Variants in CROT observed in about 807,000 individuals in gnomAD.
CROT encodes peroxisomal carnitine O-octanoyltransferase.
CROT carries 84 observed loss-of-function variants against 89.2 expected under a neutral mutation model. The observed-to-expected ratio is 0.94, with a 90% confidence interval of 0.79 to 1.13. The LOEUF is 1.13. CROT is among the 50% of genes most tolerant of loss of function. The pLI is 0.00. For missense variants in CROT, 711 were observed against 727.8 expected (o/e 0.98, Z 0.27); for synonymous variants, 212 against 239.5 (o/e 0.89, Z 1.06).
Position 87,391,697 on chromosome 7 carries a change from G to A in CROT, c.1410G>A (p.Gln470=), listed in dbSNP as rs1444898093. 6.2e-7 allele frequency: 1 copy of A among 1,608,474 alleles called. No homozygotes were observed. Among genetic ancestry groups the A allele is most frequent in the Non-Finnish European group, 8.5e-7 (1 of 1,178,094 alleles). Residue 470 remains glutamine (Q), a synonymous_variant, in exon 14 of 18, where the codon CAG becomes CAA. Transcript: ENST00000331536. ...VEAVRWCQSM[Q]DPSVNLRERQ... ...CAGTGAGGTGGTGCCAGTCCATGCA[G>A]GATCCTTCTGTCAATGTGAGTATTG...
intron 13 of CROT, among the ~76,000 whole-genome samples, chr7:87,384,974 T>C (rs1242915192): frequency 6.6e-6 from 1 of 152,194 alleles, no homozygotes; most frequent in East Asian, 1.9e-4. Flanking sequence ...GAGCCTGTCC[T>C]TTCCTTTGCT....
In CROT at chr7:87,392,772, A is replaced by G. The variant is rs556536418; in HGVS notation, c.1547A>G (p.Glu516Gly). 8 of 1,613,798 alleles carry G rather than the reference A, an allele frequency of 5.0e-6. No homozygotes were observed. The East Asian group carries it at 6.7e-5, about 13-fold the overall frequency. Residue 516 changes from glutamate (E) to glycine (G), a missense_variant, in exon 16 of 18, where the codon GAG becomes GGG. By Grantham distance (98) the Glu-to-Gly change is moderately conservative. Transcript: ENST00000331536. ...TTAGGTCTCTTACTCATAGCAAAAG[A>G]GGAAGGTCTTCCTGTTCCAGAACTC... The part of the protein sequence containing the change: ...HLLGLLLIAK[E>G]EGLPVPELFT...
At chr7:87,371,566 T>G (rs965542414) in intron 7 of CROT, among the ~76,000 whole-genome samples, 13 of 152,260 alleles carry the variant, frequency 8.5e-5, no homozygotes, top group African/African-American at 3.1e-4. Flanking sequence ...TCACATCATC[T>G]GATGTATACA....
intron 4 of CROT, chr7:87,359,774 T>G: frequency 1.0e-6 from 1 of 988,542 alleles, no homozygotes; most frequent in Non-Finnish European, 1.2e-6. Context: ...AGAATGGTTA[T>G]GTATATTGTA....
Position 87,398,793 on chromosome 7 carries a change from A to C in CROT, c.*149A>C, listed in dbSNP as rs1417486520. 2.8e-6 allele frequency: 2 copies of C among 718,234 alleles called. No homozygotes were observed. The highest frequency in any genetic ancestry group is 3.6e-5 in the African/African-American group (2 of 55,830). The allele number at this position is 718,234 out of a possible 1,614,324, so 44.5% of individuals were successfully genotyped here. On this transcript the variant is annotated 3_prime_UTR_variant, in exon 18 of 18. Coordinates refer to ENST00000331536, the MANE Select transcript of CROT (RefSeq NM_021151.4). ...CTTGTTAAATGTAGAAATTAGTAGA[A>C]TCATGCTCTCTAAATTTATTCTGCC... is the stretch of plus-strand genomic sequence containing the variant.
At position 87,392,938 on chromosome 7, in the gene CROT, T is replaced by A. The variant is rs1807416728; in HGVS notation, c.1599-10T>A. ...GGCCTAGTAAAATGTTCTTTTATTG[T>A]GCCACACAGCGGAGGAGGTGGAAAT... On this transcript the variant is annotated splice_polypyrimidine_tract_variant and intron_variant, in intron 16 of 17. Transcript: ENST00000331536. 1.9e-6 allele frequency: 3 copies of A among 1,613,498 alleles called. 1 individual carries two copies. Among genetic ancestry groups the A allele is most frequent in the Non-Finnish European group, 2.5e-6 (3 of 1,179,678 alleles).
intron 3 of CROT, among the ~76,000 whole-genome samples, chr7:87,355,300 A>C (rs577745609): frequency 6.6e-6 from 1 of 152,050 alleles, no homozygotes; most frequent in African/African-American, 2.4e-5. Flanking sequence ...GAGCTTTGCC[A>C]TGTTGCCCAG....
At chr7:87,387,452 A>G (rs1365659047) in intron 13 of CROT, among the ~76,000 whole-genome samples, 1 of 150,322 alleles carries the variant, frequency 6.7e-6, no homozygotes, top group Non-Finnish European at 1.5e-5. Flanking sequence ...TATTTCCAAC[A>G]TGAGCTATAC....
intron 4 of CROT, chr7:87,360,077 C>T (rs964903638): frequency 3.0e-5 from 29 of 972,026 alleles, no homozygotes; most frequent in Non-Finnish European, 3.4e-5. Context: ...CAATTTTGAG[C>T]CTTGAGTTGT....
chr7:87,348,001 C>T (rs923617792), intron 2 of CROT, among the ~76,000 whole-genome samples: 1 of 152,182 alleles, frequency 6.6e-6, no homozygotes, highest in Non-Finnish European at 1.5e-5. Flanking sequence ...CAGAGGAAAA[C>T]AGGTATTAGC....
intron 3 of CROT, among the ~76,000 whole-genome samples, chr7:87,349,551 A>G (rs1262051762): frequency 1.3e-5 from 2 of 152,216 alleles, no homozygotes; most frequent in African/African-American, 4.8e-5. Flanking sequence ...GCATGAATAC[A>G]TCAAAGAATT....
At chr7:87,365,062 G>A (rs1244135177) in intron 6 of CROT, among the ~76,000 whole-genome samples, 1 of 152,150 alleles carries the variant, frequency 6.6e-6, no homozygotes, top group Admixed American at 6.5e-5. Flanking sequence ...AAAATTAGAC[G>A]AGATGACATG....
At chr7:87,366,622 A>C (rs1413429955) in intron 6 of CROT, among the ~76,000 whole-genome samples, 1 of 152,148 alleles carries the variant, frequency 6.6e-6, no homozygotes, top group African/African-American at 2.4e-5. Context: ...TTTACAGTTT[A>C]ATGATGCTAC....
At chr7:87,359,626 G>C (rs1806210684) in intron 4 of CROT, 1 of 1,115,046 alleles carries the variant, frequency 9.0e-7, no homozygotes. Context: ...GTAATCTGTA[G>C]ACCATGCTGA....
At chr7:87,374,238 T>C (rs1039320973) in intron 7 of CROT, among the ~76,000 whole-genome samples, 10 of 152,114 alleles carry the variant, frequency 6.6e-5, no homozygotes, top group African/African-American at 2.2e-4. Flanking sequence ...AGAGGGATTA[T>C]CTTGTTACCA....
At chr7:87,353,944 G>C (rs1378402103) in intron 3 of CROT, among the ~76,000 whole-genome samples, 3 of 152,156 alleles carry the variant, frequency 2.0e-5, no homozygotes, top group African/African-American at 7.2e-5. Context: ...TGGAGTTCAT[G>C]GTGTGACTAA....
At position 87,392,538 on chromosome 7, in the gene CROT, T is replaced by C. The variant is rs762550949; in HGVS notation, c.1426-28T>C. 2.0e-5 allele frequency: 32 copies of C among 1,588,320 alleles called. 1 individual carries two copies. In the Admixed American group the frequency reaches 4.3e-4, roughly 22 times the overall value. On this transcript the variant is annotated intron_variant, in intron 14 of 17. Coordinates refer to ENST00000331536, the MANE Select transcript of CROT (RefSeq NM_021151.4). The stretch of plus-strand genomic sequence containing the variant: ...TAGTTGGGTTTTGCACAGTGTGTTA[T>C]TGAAGTGTCTCTCGATTTTTAATAC...
chr7:87,356,667 A>G (rs191415612), intron 3 of CROT, among the ~76,000 whole-genome samples: 4 of 152,324 alleles, frequency 2.6e-5, no homozygotes, highest in East Asian at 3.9e-4. Flanking sequence ...GCAAGCAGAT[A>G]AAGATTGCTG....
At position 87,392,644 on chromosome 7, in the gene CROT, G is replaced by A. The variant is rs146255213; in HGVS notation, c.1504G>A (p.Gly502Arg). 2 of 1,612,424 alleles carry A rather than the reference G, an allele frequency of 1.2e-6. No homozygotes were observed. Among genetic ancestry groups the A allele is most frequent in the African/African-American group, 2.7e-5 (2 of 74,822 alleles). ...KMMKDCSAGK[G>R]FDRHLLGLLL... ...GATGAAAGATTGTTCAGCTGGAAAA[G>A]GTACTTAAGTTAAAATTTTTCTGAC... Residue 502 changes from glycine to arginine, a missense_variant and splice_region_variant, in exon 15 of 18, where the codon GGA becomes AGA. By Grantham distance (125) the Gly-to-Arg change is moderately radical (BLOSUM62 -2). Coordinates refer to ENST00000331536, the MANE Select transcript of CROT (RefSeq NM_021151.4).
Sources: gnomAD v4.1 joint callset for allele counts (sites outside exome capture counted in the v4.1 genomes callset) on GRCh38, gnomAD v4.1.1 for gene constraint, MANE v1.5 for transcripts, NCBI Gene and HGNC (gene_info 2026-07-23, HGNC 2026-07-21) for gene names.